The following LRP1B variants were observed in gnomAD, a reference collection of about 807,000 sequenced individuals.
LRP1B encodes the protein low-density lipoprotein receptor-related protein 1B.
Under a neutral mutation model 556.6 loss-of-function variants are expected in LRP1B, and 217 were observed. The ratio of observed to expected loss-of-function variants is 0.39; its 90% CI spans 0.35 to 0.44. The LOEUF is 0.44. Ranked by LOEUF, LRP1B falls within the 20% of genes least tolerant of loss-of-function variation. The pLI, the probability that LRP1B is intolerant of heterozygous loss-of-function variation, is 1.00. For synonymous variants in LRP1B, 2,047 were observed against 1,865.8 expected (o/e 1.10, Z -2.50); for missense variants, 5,053 against 5,620.8 (o/e 0.90, Z 3.23).
intron 66 of LRP1B, among the ~76,000 whole-genome samples, chr2:140,388,216 C>T (rs138127287): frequency 3.3e-5 from 5 of 152,154 alleles, no homozygotes; most frequent in Admixed American, 1.3e-4. Context: ...GGATTACAGG[C>T]GTGAGCCACC....
intron 60 of LRP1B, among the ~76,000 whole-genome samples, chr2:140,465,665 G>C (rs939045988): frequency 6.6e-6 from 1 of 151,068 alleles, no homozygotes; most frequent in Non-Finnish European, 1.5e-5. Context: ...ACTCAAATGA[G>C]GGTAATACTT....
chr2:140,739,990 A>C (rs77690989), intron 35 of LRP1B, among the ~76,000 whole-genome samples: 1,712 of 152,282 alleles, frequency 0.011, 33 homozygotes, highest in African/African-American at 0.037. Flanking sequence ...TTTCTCCTTC[A>C]GGAGTAGTCA....
chr2:140,393,443 T>C (rs1349918229), intron 66 of LRP1B, among the ~76,000 whole-genome samples: 1 of 152,028 alleles, frequency 6.6e-6, no homozygotes, highest in Admixed American at 6.6e-5. Context: ...CTTTTTTTTT[T>C]AAGTTTGCTA....
At chr2:141,652,721 A>C (rs1558782310) in intron 2 of LRP1B, among the ~76,000 whole-genome samples, 1 of 152,192 alleles carries the variant, frequency 6.6e-6, no homozygotes, top group East Asian at 1.9e-4. Flanking sequence ...GAAATACTTG[A>C]TTTTTTTGAA....
chr2:141,950,860 G>A (rs1479043889), intron 1 of LRP1B, among the ~76,000 whole-genome samples: 1 of 152,076 alleles, frequency 6.6e-6, no homozygotes, highest in Non-Finnish European at 1.5e-5. Context: ...TTTATATCAA[G>A]ATATATTGTA....
intron 48 of LRP1B, 87 bp downstream of exon 48, chr2:140,526,150 C>T: frequency 2.1e-6 from 3 of 1,424,068 alleles, no homozygotes; most frequent in Middle Eastern, 1.8e-4. Context: ...CAATTTTGGA[C>T]AAAGTTCAGT....
At chr2:141,378,511 A>T (rs1473119425) in intron 3 of LRP1B, among the ~76,000 whole-genome samples, 1 of 152,110 alleles carries the variant, frequency 6.6e-6, no homozygotes, top group Non-Finnish European at 1.5e-5. Context: ...ACCATCTCTA[A>T]ACAAGTTATC....
At chr2:140,466,620 T>TTA (rs1169424248) in intron 60 of LRP1B, among the ~76,000 whole-genome samples, 1 of 152,204 alleles carries the variant, frequency 6.6e-6, no homozygotes, top group Non-Finnish European at 1.5e-5. Flanking sequence ...TACCCAACTA[T>TTA]TACTGTTCAG....
intron 80 of LRP1B, among the ~76,000 whole-genome samples, chr2:140,324,553 T>G (rs1161152105): frequency 6.6e-6 from 1 of 152,112 alleles, no homozygotes; most frequent in Non-Finnish European, 1.5e-5. Flanking sequence ...ATTACTATTA[T>G]TCATTTCAGA....
chr2:140,386,865 T>G (rs1204649857), intron 66 of LRP1B, among the ~76,000 whole-genome samples: 1 of 152,190 alleles, frequency 6.6e-6, no homozygotes, highest in African/African-American at 2.4e-5. Flanking sequence ...AATATTGAAC[T>G]ATGTATAGCT....
At chr2:140,781,573 T>C (rs992129480) in intron 32 of LRP1B, among the ~76,000 whole-genome samples, 7 of 152,218 alleles carry the variant, frequency 4.6e-5, no homozygotes, top group Non-Finnish European at 1.0e-4. Flanking sequence ...GTAAGGTCTC[T>C]GCCATTATAG....
chr2:141,831,265 A>G (rs935652241), intron 1 of LRP1B, among the ~76,000 whole-genome samples: 1 of 151,758 alleles, frequency 6.6e-6, no homozygotes, highest in Non-Finnish European at 1.5e-5. Flanking sequence ...AGCAAATTTA[A>G]CTTTAAAATA....
intron 68 of LRP1B, among the ~76,000 whole-genome samples, chr2:140,374,388 GAA>G (rs1264735400): frequency 2.0e-5 from 3 of 152,040 alleles, no homozygotes; most frequent in African/African-American, 2.4e-5. Flanking sequence ...CCCATATAAG[GAA>G]AAAGAGTTCA....
chr2:140,768,521 T>G (rs1448932497), intron 35 of LRP1B, among the ~76,000 whole-genome samples: 1 of 151,972 alleles, frequency 6.6e-6, no homozygotes, highest in African/African-American at 2.4e-5. Flanking sequence ...TTAATGTGAA[T>G]ACCAAATATT....
chr2:141,759,313 C>T (rs1225472052), intron 2 of LRP1B, among the ~76,000 whole-genome samples: 1 of 152,086 alleles, frequency 6.6e-6, no homozygotes, highest in African/African-American at 2.4e-5. Context: ...AGAAGGGCAA[C>T]ATTTATTATA....
intron 7 of LRP1B, among the ~76,000 whole-genome samples, chr2:141,097,374 C>T (rs1011314563): frequency 6.6e-6 from 1 of 151,932 alleles, no homozygotes; most frequent in African/African-American, 2.4e-5. Flanking sequence ...CTACCAATTA[C>T]CAAAAGCTTC....
At chr2:140,507,020 T>C (rs1295691413) in intron 52 of LRP1B, 102 bp from the exon 53 acceptor site, 2 of 1,251,160 alleles carry the variant, frequency 1.6e-6, no homozygotes, top group Middle Eastern at 2.1e-4. Flanking sequence ...CAATAATTCA[T>C]AGTTACTGAG....
Position 140,418,902 on chromosome 2 carries a change from C to T in LRP1B, c.10414+23602G>A, listed in dbSNP as rs937575888. 2.0e-5 allele frequency among the ~76,000 whole-genome samples: 3 copies of T among 151,514 alleles called. No individual in the cohort carries two copies. In the East Asian group the frequency reaches 5.9e-4, roughly 30 times the overall value. Reference sequence around the variant, plus strand: ...TCTCCGGTGCCGAAAAGGTTGAAGGCTGCTGTCATAGTGTGTAAGGAACCA... The same window carrying T: ...TCTCCGGTGCCGAAAAGGTTGAAGGTTGCTGTCATAGTGTGTAAGGAACCA... On this transcript the variant is annotated intron_variant, in intron 66 of 90. Transcript: ENST00000389484.
Position 140,397,757 on chromosome 2 carries a change from G to A in LRP1B, c.10415-11748C>T, listed in dbSNP as rs140843302. On this transcript the variant is annotated intron_variant, in intron 66 of 90. Coordinates refer to ENST00000389484, the MANE Select transcript of LRP1B (RefSeq NM_018557.3). Reference sequence around the variant, plus strand: ...GCTTGTGTTTTGTTTTTTCCAATTCGAATAAGAAAGATAATTAATATTTGA... The same window carrying A: ...GCTTGTGTTTTGTTTTTTCCAATTCAAATAAGAAAGATAATTAATATTTGA... Among the ~76,000 whole-genome samples, 231 of 151,834 alleles carry A rather than the reference G, an allele frequency of 1.5e-3. 1 individual carries two copies. The highest frequency in any genetic ancestry group is 5.0e-3 in the African/African-American group (206 of 41,412).
Sources: allele counts gnomAD v4.1 joint callset (sites outside exome capture counted in the v4.1 genomes callset), GRCh38; gene constraint gnomAD v4.1.1; transcripts MANE v1.5; gene names NCBI Gene and HGNC (gene_info 2026-07-23, HGNC 2026-07-21).